CD96: variants seen among roughly 807,000 people sequenced by gnomAD.
The protein encoded by CD96 is CD96 molecule.
A neutral mutation model predicts 71.3 loss-of-function variants in CD96; 70 were observed. The ratio of observed to expected loss-of-function variants is 0.98; its 90% confidence interval spans 0.81 to 1.20. The LOEUF (loss-of-function observed/expected upper bound fraction) is 1.20. Among genes scored for constraint, CD96 ranks in the 50% most tolerant of loss-of-function variants. The probability of loss-of-function intolerance (pLI) is 0.00; values close to 1 mark genes in which losing one functional copy is unlikely to be tolerated. For synonymous variants in CD96, 248 were observed against 233.0 expected, an observed-to-expected ratio of 1.06 and a Z score of -0.59; for missense variants, 742 against 677.5, an observed-to-expected ratio of 1.10 and a Z score of -1.06.
chr3:111,609,677 G>A (rs1279555973), intron 8 of CD96, among the ~76,000 whole-genome samples: 2 of 152,172 alleles, frequency 1.3e-5, no homozygotes, highest in Non-Finnish European at 2.9e-5. Context: ...AGAAAGCACA[G>A]TCAAGTACCA....
chr3:111,652,927 C>T (rs775586887), downstream of CD96, among the ~76,000 whole-genome samples: 1 of 151,914 alleles, frequency 6.6e-6, no homozygotes, highest in Non-Finnish European at 1.5e-5. Context: ...AGATCCTAAT[C>T]CCTAAAGTTT....
intron 9 of CD96, 74 bp downstream of exon 9, chr3:111,623,896 ATGT>A: frequency 1.0e-6 from 1 of 966,230 alleles, no homozygotes; most frequent in Non-Finnish European, 1.7e-6. Context: ...TGCTTCTATA[ATGT>A]TGACGTTTCA....
intron 4 of CD96, among the ~76,000 whole-genome samples, chr3:111,580,573 A>C (rs1332211617): frequency 6.6e-6 from 1 of 152,230 alleles, no homozygotes; most frequent in Non-Finnish European, 1.5e-5. Flanking sequence ...AAGCAAAAAA[A>C]AATTATTTGG....
chr3:111,595,678 G>A (rs1319215288), intron 5 of CD96, among the ~76,000 whole-genome samples: 2 of 151,370 alleles, frequency 1.3e-5, no homozygotes. Flanking sequence ...GGGAAAGGCT[G>A]AAATATTAAA....
chr3:111,614,356 G>A (rs963396480), intron 8 of CD96, among the ~76,000 whole-genome samples: 1 of 152,138 alleles, frequency 6.6e-6, no homozygotes, highest in Non-Finnish European at 1.5e-5. Flanking sequence ...GGAGAGGTAG[G>A]TAAGGAAGGA....
At chr3:111,549,279 A>G (rs183492102) in intron 2 of CD96, among the ~76,000 whole-genome samples, 6 of 151,892 alleles carry the variant, frequency 4.0e-5, no homozygotes, top group Non-Finnish European at 7.4e-5. Context: ...TCTATGGGGG[A>G]AGGAAGTTAT....
At chr3:111,660,459 C>T (rs1454971052) in intron 14 of CD96, among the ~76,000 whole-genome samples, 3 of 152,028 alleles carry the variant, frequency 2.0e-5, no homozygotes. Context: ...TTTGCATATT[C>T]AATGCTATTT....
intron 2 of CD96, among the ~76,000 whole-genome samples, chr3:111,565,400 C>T (rs1935659452): frequency 6.6e-6 from 1 of 152,148 alleles, no homozygotes. Flanking sequence ...GCCACTTATA[C>T]TGCCAGCTTC....
chr3:111,637,133 G>A (rs1351318864), intron 10 of CD96, 63 bp from the exon 11 acceptor site: 2 of 837,554 alleles, frequency 2.4e-6, no homozygotes, highest in Non-Finnish European at 4.2e-6. Context: ...GATTAAATTA[G>A]CAGTCAAGAA....
chr3:111,567,912 G>A (rs7629206), intron 3 of CD96, among the ~76,000 whole-genome samples: 4,643 of 152,190 alleles, frequency 0.031, 173 homozygotes, highest in East Asian at 0.15. Context: ...CCAAACCATG[G>A]TTACAGAAAG....
intron 5 of CD96, among the ~76,000 whole-genome samples, chr3:111,596,979 T>C (rs1937288842): frequency 6.6e-6 from 1 of 152,204 alleles, no homozygotes; most frequent in African/African-American, 2.4e-5. Flanking sequence ...AATAGTAAAC[T>C]TCTGTAGGAT....
downstream of CD96, among the ~76,000 whole-genome samples, chr3:111,653,850 T>C (rs1321340578): frequency 6.6e-6 from 1 of 151,824 alleles, no homozygotes; most frequent in East Asian, 1.9e-4. Flanking sequence ...ATGCTAAAAA[T>C]TGTAACAGAA....
Position 111,598,863 on chromosome 3 carries a change from G to C in CD96, c.898+653G>C, listed in dbSNP as rs72939569. On this transcript the variant is annotated intron_variant, in intron 6 of 13. Coordinates refer to ENST00000352690, the MANE Select transcript of CD96 (RefSeq NM_005816.5). The stretch of plus-strand genomic sequence containing the variant: ...AGAATAATCTCAGCTGTCCCTGCCT[G>C]AACAACAGCTATTCTCCTTTCTCCT... Among the ~76,000 whole-genome samples, 1,037 of 152,258 alleles carry C rather than the reference G, an allele frequency of 6.8e-3. 19 individuals carry two copies. Among genetic ancestry groups the C allele is most frequent in the African/African-American group, 0.024 (980 of 41,554 alleles).
At chr3:111,575,819 G>C (rs1936197166) in intron 3 of CD96, among the ~76,000 whole-genome samples, 1 of 152,198 alleles carries the variant, frequency 6.6e-6, no homozygotes, top group African/African-American at 2.4e-5. Context: ...ACTACTACAA[G>C]CACTTTGTAG....
At chr3:111,547,417 T>G (rs888141995) in intron 2 of CD96, among the ~76,000 whole-genome samples, 2 of 118,102 alleles carry the variant, frequency 1.7e-5, no homozygotes, top group Non-Finnish European at 3.9e-5. Flanking sequence ...TCATACATAG[T>G]TTTTTTTGTA....
At chr3:111,610,026 T>C (rs1467374770) in intron 8 of CD96, among the ~76,000 whole-genome samples, 8 of 152,212 alleles carry the variant, frequency 5.3e-5, no homozygotes, top group African/African-American at 1.9e-4. Context: ...AAAATGTCAA[T>C]AGTGCCAAGG....
chr3:111,546,795 A>G (rs1007503828), intron 2 of CD96, among the ~76,000 whole-genome samples: 1 of 152,076 alleles, frequency 6.6e-6, no homozygotes, highest in Admixed American at 6.6e-5. Flanking sequence ...ACTTGCTTTA[A>G]AAATATGCTG....
intron 9 of CD96, 71 bp from the exon 10 acceptor site, chr3:111,624,262 T>C: frequency 3.0e-6 from 3 of 992,248 alleles, no homozygotes; most frequent in Admixed American, 3.4e-5. Flanking sequence ...TTAAAAATTC[T>C]GTGCATCAAA....
intron 2 of CD96, among the ~76,000 whole-genome samples, chr3:111,556,696 T>A (rs954066792): frequency 1.1e-3 from 162 of 145,614 alleles, no homozygotes; most frequent in Non-Finnish European, 1.6e-3. Context: ...GCAGCATGAT[T>A]TATAGTCATT....
Sources: gnomAD v4.1 joint callset for allele counts (sites outside exome capture counted in the v4.1 genomes callset) on GRCh38, gnomAD v4.1.1 for gene constraint, MANE v1.5 for transcripts, NCBI Gene and HGNC (gene_info 2026-07-23, HGNC 2026-07-21) for gene names.